The following KIF5C variants were observed in gnomAD, a reference collection of about 807,000 sequenced individuals.
KIF5C encodes kinesin family member 5C.
A neutral mutation model predicts 125.2 loss-of-function variants in KIF5C; 18 were observed. That is an observed-to-expected ratio of 0.14 (90% CI 0.10 to 0.21). The LOEUF is 0.21. Among genes scored for constraint, KIF5C ranks in the 10% least tolerant of loss-of-function variants. KIF5C has a pLI of 1.00. For synonymous variants in KIF5C, 405 were observed against 434.0 expected, an observed-to-expected ratio of 0.93 and a Z score of 0.83; for missense variants, 780 against 1,183.8, an observed-to-expected ratio of 0.66 and a Z score of 5.01.
chr2:148,983,487 G>T, intron 14 of KIF5C, 133 bp from the exon 15 acceptor site: 1 of 1,261,672 alleles, frequency 7.9e-7, no homozygotes, highest in Non-Finnish European at 1.0e-6. Flanking sequence ...GCGAGAGTTT[G>T]CCTTAAAAGG....
At chr2:149,022,200 G>A (rs1167606657) in intron 25 of KIF5C, among the ~76,000 whole-genome samples, 1 of 152,124 alleles carries the variant, frequency 6.6e-6, no homozygotes, top group Admixed American at 6.5e-5. Flanking sequence ...CTAAGTGCAG[G>A]CAAATGAGAA....
rs945520560 is a variant in KIF5C at position 149,023,226 on chromosome 2, C to G, written c.*156C>G. The G allele has an allele frequency of 6.6e-6, 1 of 151,962 alleles. No individual in the cohort carries two copies. The highest frequency in any genetic ancestry group is 2.4e-5 in the African/African-American group (1 of 41,358). The allele number at this position is 151,962 out of a possible 1,614,324, so 9.4% of individuals were successfully genotyped here. ...AGGTCTTTTGAGCTGTGTAGAGTTT[C>G]TGTGTGTACAGATGTGTGCTCGGAC... On this transcript the variant is annotated 3_prime_UTR_variant, in exon 26 of 26. Transcript: ENST00000435030.
At chr2:148,966,934 C>T (rs1680738907) in intron 11 of KIF5C, among the ~76,000 whole-genome samples, 1 of 152,142 alleles carries the variant, frequency 6.6e-6, no homozygotes, top group Non-Finnish European at 1.5e-5. Flanking sequence ...TTCTAGCCTC[C>T]AGAACTGTAA....
chr2:148,953,704 C>T (rs1234754251), intron 10 of KIF5C, among the ~76,000 whole-genome samples: 2 of 152,108 alleles, frequency 1.3e-5, no homozygotes, highest in East Asian at 1.9e-4. Context: ...AGAGAGTACA[C>T]GTTTGTTCTG....
intron 11 of KIF5C, among the ~76,000 whole-genome samples, chr2:148,972,488 C>T (rs1680944834): frequency 1.3e-5 from 2 of 152,144 alleles, no homozygotes; most frequent in South Asian, 4.1e-4. Context: ...TTTTTATGCA[C>T]TTTATGTCTT....
At chr2:148,962,434 C>T (rs1249819201) in intron 11 of KIF5C, among the ~76,000 whole-genome samples, 1 of 151,974 alleles carries the variant, frequency 6.6e-6, no homozygotes, top group African/African-American at 2.4e-5. Context: ...CCACCTTGGC[C>T]TCCCAAAGTG....
intron 1 of KIF5C, among the ~76,000 whole-genome samples, chr2:148,916,352 A>G (rs989377807): frequency 1.3e-5 from 2 of 152,182 alleles, no homozygotes; most frequent in Non-Finnish European, 2.9e-5. Context: ...GTTTATTTTT[A>G]AAGAGTGCAG....
At chr2:148,967,326 A>G (rs987540398) in intron 11 of KIF5C, among the ~76,000 whole-genome samples, 2 of 152,222 alleles carry the variant, frequency 1.3e-5, no homozygotes, top group Admixed American at 6.5e-5. Flanking sequence ...AAGCAGAGGC[A>G]ACAGGCTCCG....
At chr2:148,992,463 A>G (rs1177797099) in intron 16 of KIF5C, among the ~76,000 whole-genome samples, 1 of 152,246 alleles carries the variant, frequency 6.6e-6, no homozygotes. Flanking sequence ...AAAAATATTA[A>G]AAGCTTTTAT....
intron 1 of KIF5C, among the ~76,000 whole-genome samples, chr2:148,895,404 C>T (rs1681811714): frequency 6.6e-6 from 1 of 152,160 alleles, no homozygotes; most frequent in African/African-American, 2.4e-5. Flanking sequence ...TCCCAAAGTC[C>T]TGGGATTACA....
intron 12 of KIF5C, among the ~76,000 whole-genome samples, chr2:148,976,620 A>G (rs1574805874): frequency 6.8e-6 from 1 of 146,664 alleles, no homozygotes; most frequent in Non-Finnish European, 1.5e-5. Context: ...TGTTGCGCAG[A>G]CTAGAGTGCA....
rs764212878 is a variant in KIF5C at position 148,991,148 on chromosome 2, A to G, written c.1855A>G (p.Met619Val). Residue 619 changes from methionine (M) to valine (V), a missense_variant, in exon 16 of 26, where the codon ATG becomes GTG. Physicochemically the swap from Met to Val is conservative, Grantham distance 21. Around this residue, in one of 2 missense-constraint regions of KIF5C, gnomAD observed 573 missense variants for 742.6 expected, o/e 0.77. Transcript: ENST00000435030. ...ESAQMDSNRKMNASERELAAC... is the reference protein window; with the variant it reads ...ESAQMDSNRKVNASERELAAC... The stretch of plus-strand genomic sequence containing the variant: ...CGCCCAGATGGACTCCAACAGGAAG[A>G]TGAATGCCAGCGAGCGGGAGCTGGC... 1.2e-6 allele frequency: 2 copies of G among 1,613,962 alleles called. No homozygotes were observed. Among genetic ancestry groups the G allele is most frequent in the South Asian group, 2.2e-5 (2 of 91,064 alleles).
chr2:148,981,002 G>A (rs1681219025), intron 13 of KIF5C, among the ~76,000 whole-genome samples: 1 of 152,050 alleles, frequency 6.6e-6, no homozygotes, highest in South Asian at 2.1e-4. Context: ...GAGCCACTGC[G>A]CCTGGCCCCA....
chr2:148,958,156 A>G (rs1026360756), intron 10 of KIF5C, among the ~76,000 whole-genome samples: 1 of 152,162 alleles, frequency 6.6e-6, no homozygotes, highest in East Asian at 1.9e-4. Context: ...TAAAGTTACT[A>G]TGACATTGGT....
At chr2:149,021,887 T>G (rs1052325841) in intron 25 of KIF5C, among the ~76,000 whole-genome samples, 1 of 152,024 alleles carries the variant, frequency 6.6e-6, no homozygotes, top group Non-Finnish European at 1.5e-5. Context: ...AAACCTATAG[T>G]AAGATCTCAG....
chr2:148,949,135 G>C (rs895284167), intron 8 of KIF5C, among the ~76,000 whole-genome samples: 1 of 152,156 alleles, frequency 6.6e-6, no homozygotes, highest in Non-Finnish European at 1.5e-5. Context: ...TCTAGCATCT[G>C]TAAACTGCCC....
Position 149,000,706 on chromosome 2 carries a change from C to T in KIF5C, c.2313-16C>T. On this transcript the variant is annotated splice_polypyrimidine_tract_variant and intron_variant, in intron 20 of 25. Transcript: ENST00000435030. ...GAGTCCCCTGTGGTGGTCTATGGTT[C>T]CTTTTTGTTTTTCAGATTGCTCAAC... The T allele has an allele frequency of 6.2e-7, 1 of 1,613,512 alleles. No individual in the cohort carries two copies. The highest frequency in any genetic ancestry group is 1.3e-5 in the African/African-American group (1 of 75,020).
At chr2:148,977,922 C>T (rs574691911) in intron 12 of KIF5C, among the ~76,000 whole-genome samples, 47 of 152,270 alleles carry the variant, frequency 3.1e-4, no homozygotes, top group African/African-American at 1.1e-3. Flanking sequence ...GCAAAAGGCA[C>T]AGTACAGGGT....
chr2:148,888,965 G>T (rs190204581), intron 1 of KIF5C: 1 of 152,198 alleles, frequency 6.6e-6, no homozygotes, highest in African/African-American at 2.4e-5. Context: ...CCATCTCATT[G>T]TTGTTCATTG....
Sources: gnomAD v4.1 joint callset for allele counts (sites outside exome capture counted in the v4.1 genomes callset) on GRCh38, gnomAD v4.1.1 for gene constraint, gnomAD v4.1.1 regional missense constraint, MANE v1.5 for transcripts, NCBI Gene and HGNC (gene_info 2026-07-23, HGNC 2026-07-21) for gene names.